Variants in HIRA observed in about 807,000 individuals in gnomAD.
HIRA encodes the protein protein HIRA.
HIRA carries 13 observed loss-of-function variants against 126.6 expected under a neutral mutation model. That is an observed-to-expected ratio of 0.10 (90% confidence interval 0.07 to 0.16). The LOEUF (loss-of-function observed/expected upper bound fraction) is 0.16, where lower values mean the gene tolerates loss of function less well. Ranked by LOEUF, HIRA falls within the 10% of genes least tolerant of loss-of-function variation. The probability of loss-of-function intolerance (pLI) is 1.00; values close to 1 mark genes in which losing one functional copy is unlikely to be tolerated. For synonymous variants in HIRA, 511 were observed against 520.0 expected, an observed-to-expected ratio of 0.98 and a Z score of 0.24; for missense variants, 834 against 1,314.4, an observed-to-expected ratio of 0.63 and a Z score of 5.65.
At chr22:19,366,967 T>G (rs1273444226) in intron 15 of HIRA, among the ~76,000 whole-genome samples, 1 of 152,166 alleles carries the variant, frequency 6.6e-6, no homozygotes, top group Admixed American at 6.5e-5. Flanking sequence ...TTCACCATGT[T>G]GGCCAAGCTG....
At chr22:19,348,055 G>C (rs2088707855) in intron 24 of HIRA, among the ~76,000 whole-genome samples, 1 of 152,202 alleles carries the variant, frequency 6.6e-6, no homozygotes, top group Non-Finnish European at 1.5e-5. Context: ...ACGCAACCTA[G>C]AATAAGCGTC....
At position 19,357,003 on chromosome 22, in the gene HIRA, G is replaced by A. The variant is rs960210611; in HGVS notation, c.2283C>T (p.Ser761=). 6.2e-7 allele frequency: 1 copy of A among 1,614,082 alleles called. No individual in the cohort carries two copies. The highest frequency in any genetic ancestry group is 8.5e-7 in the Non-Finnish European group (1 of 1,180,022). The change falls in exon 19 of 25, where the codon TCC becomes TCT. Residue 761 remains serine (S), a synonymous_variant. Transcript: ENST00000263208. ...ACEKRMLSVF[S]TCGRRLLSPI... is the part of the protein sequence containing the mutation. ...GAGAGAGGAGACGGCGACCACAGGT[G>A]GAGAACACTGACAGCATCCTTTTTT...
intron 1 of HIRA, among the ~76,000 whole-genome samples, chr22:19,418,505 G>A (rs1224798965): frequency 2.6e-5 from 4 of 151,914 alleles, no homozygotes; most frequent in African/African-American, 7.3e-5. Flanking sequence ...GGTGGCAGGC[G>A]CCTGTAGTCC....
In HIRA at chr22:19,331,345, C is replaced by T. The variant is rs1180741921; in HGVS notation, c.*95G>A. 1 of 1,601,264 alleles carries T rather than the reference C, an allele frequency of 6.2e-7. No homozygotes were observed. The highest frequency in any genetic ancestry group is 1.3e-5 in the African/African-American group (1 of 74,882). Reference sequence around the variant, plus strand: ...CACATCTCCTGCCAGTGTCTCCTCCCCCTACAGCCTGGTCAGGTGAGAGGC... The same window carrying T: ...CACATCTCCTGCCAGTGTCTCCTCCTCCTACAGCCTGGTCAGGTGAGAGGC... On this transcript the variant is annotated 3_prime_UTR_variant, in exon 25 of 25. Transcript: ENST00000263208.
rs762601560 is a variant in HIRA at position 19,422,169 on chromosome 22, T to TACACACACACACACACAC, written c.37+9270_37+9271insGTGTGTGTGTGTGTGTGT. The stretch of plus-strand genomic sequence containing the variant: ...TATACCTGAAAAGAATGTGTTTATA[T>TACACACACACACACACAC]ATACACACACACACACACACACACA... On this transcript the variant is annotated intron_variant, in intron 1 of 24. Coordinates refer to ENST00000263208, the MANE Select transcript of HIRA (RefSeq NM_003325.4). Among the ~76,000 whole-genome samples the TACACACACACACACACAC allele has an allele frequency of 2.8e-3, 310 of 111,492 alleles. 1 individual carries two copies. The highest frequency in any genetic ancestry group is 0.019 in the Middle Eastern group (4 of 216). 73.1% of individuals were successfully genotyped at this position (111,492 alleles called of 152,430 possible). A position where few individuals can be genotyped will look rare whatever the true frequency, so the allele number is the denominator to read the frequency against.
chr22:19,392,416 C>A (rs140265776), intron 8 of HIRA, among the ~76,000 whole-genome samples: 2 of 152,190 alleles, frequency 1.3e-5, no homozygotes, highest in African/African-American at 4.8e-5. Context: ...AAAGTATGTG[C>A]GGAGGCACCA....
intron 11 of HIRA, among the ~76,000 whole-genome samples, chr22:19,386,760 G>A (rs1480800242): frequency 6.6e-6 from 1 of 152,228 alleles, no homozygotes; most frequent in Non-Finnish European, 1.5e-5. Context: ...GGAGTGCATA[G>A]TGATCCCAGG....
At chr22:19,344,885 T>C (rs1430654944) in intron 24 of HIRA, among the ~76,000 whole-genome samples, 1 of 152,148 alleles carries the variant, frequency 6.6e-6, no homozygotes, top group African/African-American at 2.4e-5. Flanking sequence ...AATTTTAAAA[T>C]GACACGATCA....
At chr22:19,413,523 C>T (rs1288284961) in intron 1 of HIRA, among the ~76,000 whole-genome samples, 4 of 152,082 alleles carry the variant, frequency 2.6e-5, no homozygotes, top group Non-Finnish European at 4.4e-5. Flanking sequence ...GCTGGCTCCC[C>T]GCCTCCTTAC....
At chr22:19,368,758 G>A (rs992813142) in intron 15 of HIRA, among the ~76,000 whole-genome samples, 3 of 152,282 alleles carry the variant, frequency 2.0e-5, no homozygotes, top group Admixed American at 2.0e-4. Context: ...TCACAGCAAC[G>A]TCCAACTATC....
At chr22:19,390,355 G>A (rs1316737294) in intron 9 of HIRA, among the ~76,000 whole-genome samples, 1 of 152,104 alleles carries the variant, frequency 6.6e-6, no homozygotes, top group Non-Finnish European at 1.5e-5. Context: ...TACTTTGGGA[G>A]GCCAAGGCGG....
chr22:19,416,026 C>T (rs1202686655), intron 1 of HIRA, among the ~76,000 whole-genome samples: 2 of 152,168 alleles, frequency 1.3e-5, no homozygotes, highest in Non-Finnish European at 2.9e-5. Context: ...CAGTGAAGTA[C>T]AGGCATAGAC....
At chr22:19,363,257 A>C (rs973079708) in intron 15 of HIRA, among the ~76,000 whole-genome samples, 1 of 151,966 alleles carries the variant, frequency 6.6e-6, no homozygotes, top group Non-Finnish European at 1.5e-5. Flanking sequence ...AAAAAACAAA[A>C]AAAAGAAATG....
At chr22:19,421,299 C>CAA (rs35575540) in intron 1 of HIRA, among the ~76,000 whole-genome samples, 176 of 130,228 alleles carry the variant, frequency 1.4e-3, no homozygotes, top group African/African-American at 4.7e-3. Flanking sequence ...AACTCCGTCT[C>CAA]AAAAAAAAAA....
At chr22:19,402,918 C>T (rs1205782236) in intron 5 of HIRA, among the ~76,000 whole-genome samples, 5 of 151,166 alleles carry the variant, frequency 3.3e-5, no homozygotes, top group African/African-American at 1.2e-4. Flanking sequence ...CCAGCCTGGG[C>T]AACATAGTGA....
intron 6 of HIRA, among the ~76,000 whole-genome samples, chr22:19,397,682 C>G (rs1338077401): frequency 6.6e-6 from 1 of 152,148 alleles, no homozygotes; most frequent in African/African-American, 2.4e-5. Context: ...GAGCTGAGCC[C>G]AGAGCCCAGT....
At position 19,331,384 on chromosome 22, in the gene HIRA, A is replaced by C; in HGVS notation, c.*56T>G. On this transcript the variant is annotated 3_prime_UTR_variant, in exon 25 of 25. Transcript: ENST00000263208. The stretch of plus-strand genomic sequence containing the variant: ...CAGGTGAGAGGCGGTCCTGCATGTC[A>C]TCAGCGGCGAGAGTGTGGCCCTGCC... The C allele has an allele frequency of 6.2e-7, 1 of 1,610,484 alleles. No individual in the cohort carries two copies.
chr22:19,385,347 CCCATT>C (rs2089116867), intron 12 of HIRA, among the ~76,000 whole-genome samples, 169 bp downstream of exon 12: 1 of 152,228 alleles, frequency 6.6e-6, no homozygotes, highest in Non-Finnish European at 1.5e-5. Context: ...GGATCCAGGC[CCCATT>C]ACTGCATCAT....
At chr22:19,397,049 C>T in intron 6 of HIRA, 102 bp from the exon 7 acceptor site, 1 of 1,064,372 alleles carries the variant, frequency 9.4e-7, no homozygotes, top group Non-Finnish European at 1.4e-6. Flanking sequence ...ACTCAGCAGT[C>T]TGCCATGGCC....
Sources: gnomAD v4.1 joint callset for allele counts (sites outside exome capture counted in the v4.1 genomes callset) on GRCh38, gnomAD v4.1.1 for gene constraint, MANE v1.5 for transcripts, NCBI Gene and HGNC (gene_info 2026-07-23, HGNC 2026-07-21) for gene names.